Variants in DPP9 observed in about 807,000 individuals in gnomAD.
DPP9 encodes the protein dipeptidyl peptidase IV-related protein-2.
Under a neutral mutation model 110.7 loss-of-function variants are expected in DPP9, and 50 were observed. The ratio of observed to expected loss-of-function variants is 0.45; its 90% CI spans 0.36 to 0.57. DPP9 has a LOEUF of 0.57. Ranked by LOEUF, DPP9 falls within the 20% of genes least tolerant of loss-of-function variation. The probability of loss-of-function intolerance (pLI) is 0.00; values close to 1 mark genes in which losing one functional copy is unlikely to be tolerated. For missense variants in DPP9, 1,022 were observed against 1,217.9 expected (o/e 0.84, Z 2.39); for synonymous variants, 561 against 514.4 (o/e 1.09, Z -1.23).
rs554884817 is a variant in DPP9 at position 4,710,163 on chromosome 19, C to T, written c.313+3918G>A. ...GCCAACCTGTCACCCACCCATGCCCCGGTGACCCAGGCCTGCGCAAACACC... is the reference window on the plus strand; with the variant it reads ...GCCAACCTGTCACCCACCCATGCCCTGGTGACCCAGGCCTGCGCAAACACC... On this transcript the variant is annotated intron_variant, in intron 4 of 21. Coordinates refer to ENST00000262960, the MANE Select transcript of DPP9 (RefSeq NM_139159.5). This position sits in a 1 kb window ranked among gnomAD's most constrained non-coding sequence, Gnocchi z 5.6. Among the ~76,000 whole-genome samples the T allele has an allele frequency of 2.6e-5, 4 of 152,358 alleles. No individual in the cohort carries two copies. The highest frequency in any genetic ancestry group is 1.9e-4 in the East Asian group (1 of 5,192).
Position 4,700,631 on chromosome 19 carries a change from C to T in DPP9, c.1013-354G>A, listed in dbSNP as rs1419704305. 6.6e-6 allele frequency among the ~76,000 whole-genome samples: 1 copy of T among 152,178 alleles called. No individual in the cohort carries two copies. Among genetic ancestry groups the T allele is most frequent in the Non-Finnish European group, 1.5e-5 (1 of 68,030 alleles). The stretch of plus-strand genomic sequence containing the variant: ...TGCCATCCCTGCCTTGGGAGAGCTC[C>T]AGAGCAGACGGTGAAGCCCGAGGCA... On this transcript the variant is annotated intron_variant, in intron 9 of 21. Transcript: ENST00000262960. This position sits in a 1 kb window ranked among gnomAD's most constrained non-coding sequence, Gnocchi z 4.3.
In DPP9 at chr19:4,695,658, G is replaced by T; in HGVS notation, c.1176-103C>A. ...GCGTCCAAACCCGTGTGGAATCAGGGCTGGGCTTCCTGCGCTGGCTTCACC... is the reference window on the plus strand; with the variant it reads ...GCGTCCAAACCCGTGTGGAATCAGGTCTGGGCTTCCTGCGCTGGCTTCACC... On this transcript the variant is annotated intron_variant, in intron 11 of 21. Coordinates refer to ENST00000262960, the MANE Select transcript of DPP9 (RefSeq NM_139159.5). The surrounding 1 kb of genome is among the most constrained non-coding windows in gnomAD (Gnocchi z 4.7). The T allele has an allele frequency of 9.4e-7, 1 of 1,067,260 alleles. No individual in the cohort carries two copies. The highest frequency in any genetic ancestry group is 1.3e-6 in the Non-Finnish European group (1 of 786,784). 66.1% of individuals were successfully genotyped at this position (1,067,260 alleles called of 1,614,324 possible).
In DPP9 at chr19:4,685,438, A is replaced by G; in HGVS notation, c.2031+188T>C. On this transcript the variant is annotated intron_variant, in intron 17 of 21. Transcript: ENST00000262960. This position sits in a 1 kb window ranked among gnomAD's most constrained non-coding sequence, Gnocchi z 5.8. ...AAGGGCGGGGAGCGTGCAAACGGGC[A>G]CAGAGAAAGGAGGGTGAGGGGCCCC... The G allele has an allele frequency of 1.5e-6, 1 of 682,880 alleles. No individual in the cohort carries two copies. The highest frequency in any genetic ancestry group is 2.6e-6 in the Non-Finnish European group (1 of 380,868). The allele number at this position is 682,880 out of a possible 1,614,324, so 42.3% of individuals were successfully genotyped here. A position where few individuals can be genotyped will look rare whatever the true frequency, so the allele number is the denominator to read the frequency against.
intron 13 of DPP9, 131 bp from the exon 14 acceptor site, chr19:4,691,088 G>T: frequency 1.4e-6 from 1 of 694,790 alleles, no homozygotes. Flanking sequence ...TGTGAACTCA[G>T]ACGCCAGCAC....
Position 4,676,365 on chromosome 19 carries a change from C to T in DPP9, c.*199G>A, listed in dbSNP as rs905907448. The T allele has an allele frequency of 1.7e-6, 1 of 586,666 alleles. No individual in the cohort carries two copies. The highest frequency in any genetic ancestry group is 3.1e-6 in the Non-Finnish European group (1 of 327,044). 36.3% of individuals were successfully genotyped at this position (586,666 alleles called of 1,614,324 possible). On this transcript the variant is annotated 3_prime_UTR_variant, in exon 22 of 22. Transcript: ENST00000262960. This position sits in a 1 kb window ranked among gnomAD's most constrained non-coding sequence, Gnocchi z 4.0. ...CTCTGTCTCGGCAACCAAGAAGCAG[C>T]GGACATAAAACCCAAGAGCGTTTAA...
chr19:4,722,585 G>A (rs1449075748), intron 1 of DPP9, 34 bp from the exon 2 acceptor site: 2 of 702,650 alleles, frequency 2.8e-6, no homozygotes, highest in Non-Finnish European at 5.2e-6. Flanking sequence ...AATGTGGCAG[G>A]TTAATGGAAG....
chr19:4,709,963 T>A (rs879563141), intron 4 of DPP9, among the ~76,000 whole-genome samples: 3 of 152,138 alleles, frequency 2.0e-5, no homozygotes, highest in Non-Finnish European at 4.4e-5. Flanking sequence ...TAATCAATGA[T>A]CACCAAATGG....
chr19:4,676,654 G>A lies in DPP9; in HGVS notation c.2589C>T (p.Ile863=). Residue 863 remains isoleucine, a splice_region_variant and synonymous_variant, in exon 22 of 22, where the codon ATC becomes ATT. Coordinates refer to ENST00000262960, the MANE Select transcript of DPP9 (RefSeq NM_139159.5). The surrounding 1 kb of genome is among the most constrained non-coding windows in gnomAD (Gnocchi z 4.0). ...GAATACTGTGTCTCTCGTTGGGGTA[G>A]ATCTGCGGGGAGACAGGAGGCAGGG... is the stretch of plus-strand genomic sequence containing the variant. ...IRAGKPYQLQ[I]YPNERHSIRC... 1.3e-6 allele frequency: 2 copies of A among 1,598,804 alleles called. No individual in the cohort carries two copies. The highest frequency in any genetic ancestry group is 1.7e-6 in the Non-Finnish European group (2 of 1,172,656).
chr19:4,681,755 C>G (rs1024770138), intron 20 of DPP9, among the ~76,000 whole-genome samples: 1 of 149,904 alleles, frequency 6.7e-6, no homozygotes, highest in African/African-American at 2.5e-5. Context: ...TTTGTAGAGA[C>G]GGGGTTTCAC....
Position 4,684,622 on chromosome 19 carries a change from C to G in DPP9, c.2178+41G>C, listed in dbSNP as rs112648030. The G allele has an allele frequency of 7.0e-5, 112 of 1,608,540 alleles. No homozygotes were observed. The highest frequency in any genetic ancestry group is 8.6e-5 in the Non-Finnish European group (101 of 1,177,524). ...CCCACACGGCCCAGGGCTCCCTTCCCGAGACCCAAAGGACCCAGAGCAACA... is the reference window on the plus strand; with the variant it reads ...CCCACACGGCCCAGGGCTCCCTTCCGGAGACCCAAAGGACCCAGAGCAACA... On this transcript the variant is annotated intron_variant, in intron 18 of 21. Transcript: ENST00000262960. The surrounding 1 kb of genome is among the most constrained non-coding windows in gnomAD (Gnocchi z 4.8).
intron 11 of DPP9, among the ~76,000 whole-genome samples, chr19:4,696,453 T>G (rs2091806921): frequency 6.7e-6 from 1 of 150,176 alleles, no homozygotes; most frequent in Admixed American, 6.6e-5. Flanking sequence ...TGGCAAGACC[T>G]TGTCTCTACA....
At chr19:4,678,097 CTT>C (rs1253108863) in intron 21 of DPP9, among the ~76,000 whole-genome samples, 1 of 151,956 alleles carries the variant, frequency 6.6e-6, no homozygotes, top group African/African-American at 2.4e-5. Flanking sequence ...GAATGCTTTT[CTT>C]TTTTCTTTCT....
At chr19:4,677,919 G>T (rs993633785) in intron 21 of DPP9, among the ~76,000 whole-genome samples, 2 of 152,178 alleles carry the variant, frequency 1.3e-5, no homozygotes, top group African/African-American at 4.8e-5. Flanking sequence ...AGGGCCTGGG[G>T]CCGCCAGCTG....
Position 4,702,666 on chromosome 19 carries a change from C to T in DPP9, c.820G>A (p.Val274Ile), listed in dbSNP as rs769162859. ...DPKSAGVATF[V>I]IQEEFDRFTG... ...AAGCGGTCGAACTCTTCCTGTATGA[C>T]GAAGGTGGCCACACCCGCAGACTTG... The change falls in exon 8 of 22, where the codon GTC (valine) becomes ATC (isoleucine). Residue 274 changes from valine (V) to isoleucine (I), a missense_variant. Physicochemically the swap from Val to Ile is conservative, Grantham distance 29. This residue lies in a region of DPP9 where 810 missense variants were observed against 920.6 expected (regional missense o/e 0.88). Coordinates refer to ENST00000262960, the MANE Select transcript of DPP9 (RefSeq NM_139159.5). 2.7e-5 allele frequency: 43 copies of T among 1,603,780 alleles called. No homozygotes were observed. The highest frequency in any genetic ancestry group is 4.5e-5 in the East Asian group (2 of 44,512).
intron 16 of DPP9, among the ~76,000 whole-genome samples, chr19:4,686,682 C>T (rs561322391): frequency 2.2e-3 from 331 of 152,234 alleles, no homozygotes; most frequent in African/African-American, 7.8e-3. Context: ...GGATTACAGG[C>T]GTGAGGCACT....
Position 4,685,602 on chromosome 19 carries a change from C to A in DPP9, c.2031+24G>T. On this transcript the variant is annotated intron_variant, in intron 17 of 21. Coordinates refer to ENST00000262960, the MANE Select transcript of DPP9 (RefSeq NM_139159.5). This position sits in a 1 kb window ranked among gnomAD's most constrained non-coding sequence, Gnocchi z 5.8. ...CCTCGGGTGGATGGTGGGGTGGGGGCCTGGGGAGCAGGTGTGCACTCACCT... is the reference window on the plus strand; with the variant it reads ...CCTCGGGTGGATGGTGGGGTGGGGGACTGGGGAGCAGGTGTGCACTCACCT... The A allele has an allele frequency of 6.3e-7, 1 of 1,586,956 alleles. No individual in the cohort carries two copies. Among genetic ancestry groups the A allele is most frequent in the Non-Finnish European group, 8.6e-7 (1 of 1,167,712 alleles).
intron 3 of DPP9, among the ~76,000 whole-genome samples, chr19:4,714,863 T>C (rs1382579973): frequency 6.6e-6 from 1 of 152,024 alleles, no homozygotes; most frequent in Non-Finnish European, 1.5e-5. Context: ...TCATCCTTCT[T>C]ATCCCTGTGA....
chr19:4,689,567 C>A lies in DPP9; in HGVS notation c.1749+3G>T. ...GCGGTGCCGTGAGGCTGGGCGGTCC[C>A]ACCTGGCTCATGGAGCAGCTATGGG... On this transcript the variant is annotated splice_donor_region_variant and intron_variant, in intron 15 of 21. Coordinates refer to ENST00000262960, the MANE Select transcript of DPP9 (RefSeq NM_139159.5). The surrounding 1 kb of genome is among the most constrained non-coding windows in gnomAD (Gnocchi z 7.0). The A allele has an allele frequency of 6.4e-7, 1 of 1,557,504 alleles. No individual in the cohort carries two copies. Among genetic ancestry groups the A allele is most frequent in the South Asian group, 1.2e-5 (1 of 84,724 alleles).
At chr19:4,683,675 G>C in intron 18 of DPP9, 46 bp from the exon 19 acceptor site, 1 of 1,612,976 alleles carries the variant, frequency 6.2e-7, no homozygotes, top group Non-Finnish European at 8.5e-7. Flanking sequence ...CTCCCGGTAT[G>C]TCCCTCCCCT....
Sources: allele counts gnomAD v4.1 joint callset (sites outside exome capture counted in the v4.1 genomes callset), GRCh38; gene constraint gnomAD v4.1.1; regional missense constraint gnomAD v4.1.1; non-coding constraint Gnocchi (gnomAD v3.1); transcripts MANE v1.5; gene names NCBI Gene and HGNC (gene_info 2026-07-23, HGNC 2026-07-21).